The following MARCHF1 variants were observed in gnomAD, a reference collection of about 807,000 sequenced individuals.
MARCHF1 encodes membrane associated ring-CH-type finger 1.
MARCHF1 carries 40 observed loss-of-function variants against 54.2 expected under a neutral mutation model. The ratio of observed to expected loss-of-function variants is 0.74; its 90% CI spans 0.57 to 0.96. The LOEUF is 0.96. Ranked by LOEUF, MARCHF1 falls within the 40% of genes least tolerant of loss-of-function variation. MARCHF1 has a pLI of 0.00. For synonymous variants in MARCHF1, 236 were observed against 236.3 expected, an observed-to-expected ratio of 1.00 and a Z score of 0.01; for missense variants, 586 against 656.5, an observed-to-expected ratio of 0.89 and a Z score of 1.17.
At chr4:163,669,197 T>C (rs1300800385) in intron 5 of MARCHF1, among the ~76,000 whole-genome samples, 1 of 152,188 alleles carries the variant, frequency 6.6e-6, no homozygotes, top group Non-Finnish European at 1.5e-5. Flanking sequence ...CTGACTTGGC[T>C]CTGGTTTTAT....
At chr4:163,853,895 T>C (rs1296096195) in intron 4 of MARCHF1, 126 bp downstream of exon 4, 1 of 724,664 alleles carries the variant, frequency 1.4e-6, no homozygotes, top group Non-Finnish European at 2.1e-6. Flanking sequence ...GAATATATTA[T>C]ATAATACAAA....
intron 5 of MARCHF1, among the ~76,000 whole-genome samples, chr4:163,665,636 T>A (rs1398491341): frequency 1.3e-5 from 2 of 152,116 alleles, no homozygotes; most frequent in Non-Finnish European, 2.9e-5. Context: ...TGTGAACTAG[T>A]CCCCTTTATT....
chr4:163,815,391 T>A (rs1748505588), intron 4 of MARCHF1, among the ~76,000 whole-genome samples: 1 of 152,204 alleles, frequency 6.6e-6, no homozygotes, highest in Admixed American at 6.6e-5. Context: ...GGCAGAAATG[T>A]TGGCTGTGCA....
At chr4:163,550,378 T>G (rs926979449) in intron 8 of MARCHF1, among the ~76,000 whole-genome samples, 1 of 152,128 alleles carries the variant, frequency 6.6e-6, no homozygotes, top group African/African-American at 2.4e-5. Context: ...TCTTTTTTCT[T>G]GACAGTTCAC....
chr4:163,942,213 C>T (rs537139194), intron 3 of MARCHF1, among the ~76,000 whole-genome samples: 5 of 152,096 alleles, frequency 3.3e-5, no homozygotes, highest in Admixed American at 1.3e-4. Context: ...GAAAAGTGAC[C>T]AACTCCACCG....
At chr4:163,728,330 T>C (rs1421792250) in intron 4 of MARCHF1, among the ~76,000 whole-genome samples, 1 of 152,200 alleles carries the variant, frequency 6.6e-6, no homozygotes, top group Non-Finnish European at 1.5e-5. Flanking sequence ...AGTTTGTTGA[T>C]ATCCAAAAAA....
At chr4:164,227,359 C>A (rs1732287509) in intron 1 of MARCHF1, among the ~76,000 whole-genome samples, 1 of 152,114 alleles carries the variant, frequency 6.6e-6, no homozygotes, top group East Asian at 1.9e-4. Flanking sequence ...ATTACCTCCA[C>A]CTGGTCCCAC....
At chr4:164,139,669 G>A (rs542294224) in intron 1 of MARCHF1, among the ~76,000 whole-genome samples, 1 of 152,038 alleles carries the variant, frequency 6.6e-6, no homozygotes, top group Non-Finnish European at 1.5e-5. Flanking sequence ...TGTAAGAGTT[G>A]CTTACTCAGC....
intron 1 of MARCHF1, among the ~76,000 whole-genome samples, chr4:164,372,518 T>C (rs1578909212): frequency 2.0e-5 from 3 of 152,240 alleles, no homozygotes; most frequent in African/African-American, 7.2e-5. Flanking sequence ...TTTTCAGTCT[T>C]AATATTTCTA....
intron 4 of MARCHF1, among the ~76,000 whole-genome samples, chr4:163,814,272 C>T (rs1748473625): frequency 6.6e-6 from 1 of 152,194 alleles, no homozygotes; most frequent in South Asian, 2.1e-4. Context: ...CCTTCGCAGT[C>T]TCCATACTCA....
At chr4:163,836,225 T>G (rs1388692755) in intron 4 of MARCHF1, among the ~76,000 whole-genome samples, 4 of 134,192 alleles carry the variant, frequency 3.0e-5, no homozygotes, top group African/African-American at 1.1e-4. Context: ...ATTTATTTAT[T>G]TATTTATTTA....
chr4:163,688,795 A>G (rs914295389), intron 5 of MARCHF1, among the ~76,000 whole-genome samples: 1 of 152,188 alleles, frequency 6.6e-6, no homozygotes, highest in African/African-American at 2.4e-5. Context: ...CTAGAAAACT[A>G]TAATGATGGA....
In MARCHF1 at chr4:164,282,479, C is replaced by T. The variant is rs553176334; in HGVS notation, c.-323+101391G>A. 1.3e-5 allele frequency among the ~76,000 whole-genome samples: 2 copies of T among 150,798 alleles called. 1 individual carries two copies. The highest frequency in any genetic ancestry group is 1.4e-4 in the Admixed American group (2 of 14,814). On this transcript the variant is annotated intron_variant, in intron 1 of 9. Coordinates refer to ENST00000514618, the MANE Select transcript of MARCHF1 (RefSeq NM_001394959.1). ...ACCATCTCCAATACCTCAGTATTGC[C>T]ACCTCATCCACCGTTCCAATAAATT... is the stretch of plus-strand genomic sequence containing the variant.
At chr4:163,811,549 G>A (rs915730591) in intron 4 of MARCHF1, among the ~76,000 whole-genome samples, 1 of 152,024 alleles carries the variant, frequency 6.6e-6, no homozygotes, top group Non-Finnish European at 1.5e-5. Flanking sequence ...CCAAAATAGA[G>A]AAACGGAGAG....
intron 1 of MARCHF1, among the ~76,000 whole-genome samples, chr4:164,173,471 G>A (rs948216480): frequency 7.9e-5 from 12 of 152,266 alleles, no homozygotes; most frequent in East Asian, 1.9e-4. Flanking sequence ...AATGGCAGAC[G>A]CAATTCAATA....
chr4:163,575,938 C>T (rs1447873213), intron 8 of MARCHF1, among the ~76,000 whole-genome samples: 1 of 151,716 alleles, frequency 6.6e-6, no homozygotes, highest in Non-Finnish European at 1.5e-5. Context: ...TGTCTTTTCC[C>T]TTGTTAATCT....
At position 164,080,177 on chromosome 4, in the gene MARCHF1, A is replaced by C. The variant is rs1172957103; in HGVS notation, c.-248+31411T>G. 2.0e-5 allele frequency among the ~76,000 whole-genome samples: 3 copies of C among 152,210 alleles called. No homozygotes were observed. In the East Asian group the frequency reaches 5.8e-4, roughly 29 times the overall value. On this transcript the variant is annotated intron_variant, in intron 2 of 9. Coordinates refer to ENST00000514618, the MANE Select transcript of MARCHF1 (RefSeq NM_001394959.1). Reference sequence around the variant, plus strand: ...CATATGTAGAACAACAGATCCTGAGATCACATAGAATAGAACAGATTCCCA... The same window carrying C: ...CATATGTAGAACAACAGATCCTGAGCTCACATAGAATAGAACAGATTCCCA...
intron 1 of MARCHF1, among the ~76,000 whole-genome samples, chr4:164,164,798 G>C (rs1730328517): frequency 6.6e-6 from 1 of 151,936 alleles, no homozygotes; most frequent in South Asian, 2.1e-4. Context: ...TACATATCCG[G>C]AAGTTATTAG....
chr4:164,197,859 A>G, intron 1 of MARCHF1: 4 of 1,389,088 alleles, frequency 2.9e-6, no homozygotes, highest in Middle Eastern at 2.2e-4. Context: ...ATTATAATAA[A>G]GGGACTGATA....
Sources: allele counts gnomAD v4.1 joint callset (sites outside exome capture counted in the v4.1 genomes callset), GRCh38; gene constraint gnomAD v4.1.1; transcripts MANE v1.5; gene names NCBI Gene and HGNC (gene_info 2026-07-23, HGNC 2026-07-21).